The following ZNF572 variants were observed in gnomAD, a reference collection of about 807,000 sequenced individuals.
The protein encoded by ZNF572 is zinc finger protein 572.
A neutral mutation model predicts 3.8 loss-of-function variants in ZNF572; 2 were observed. The observed-to-expected ratio is 0.52, with a 90% CI of 0.21 to 1.65. ZNF572 has a LOEUF of 1.65. Among genes scored for constraint, ZNF572 ranks in the 40% most tolerant of loss-of-function variants. The pLI, the probability that ZNF572 is intolerant of heterozygous loss-of-function variation, is 0.20. For missense variants in ZNF572, 581 were observed against 633.4 expected (o/e 0.92, Z 0.89); for synonymous variants, 187 against 204.5 (o/e 0.91, Z 0.73).
Position 124,977,942 on chromosome 8 carries a change from G to A in ZNF572, c.*84G>A, listed in dbSNP as rs1814534065. The A allele has an allele frequency of 1.4e-6, 2 of 1,422,966 alleles. No individual in the cohort carries two copies. Among genetic ancestry groups the A allele is most frequent in the African/African-American group, 1.4e-5 (1 of 70,068 alleles). 88.1% of individuals were successfully genotyped at this position (1,422,966 alleles called of 1,614,324 possible). A position where few individuals can be genotyped will look rare whatever the true frequency, so the allele number is the denominator to read the frequency against. ...TATTCTGTGATTGTTGTGCTATAAA[G>A]TTTCTTTGATGTGTTTGTCAAAACA... On this transcript the variant is annotated 3_prime_UTR_variant, in exon 3 of 3. Transcript: ENST00000319286.
intron 1 of ZNF572, among the ~76,000 whole-genome samples, chr8:124,973,730 C>T (rs1446899675): frequency 6.6e-6 from 1 of 152,212 alleles, no homozygotes; most frequent in African/African-American, 2.4e-5. Flanking sequence ...AGCACGGCCC[C>T]ACTCTGATCA....
chr8:124,975,028 C>G (rs1450106976), intron 1 of ZNF572, among the ~76,000 whole-genome samples: 1 of 152,142 alleles, frequency 6.6e-6, no homozygotes, highest in Non-Finnish European at 1.5e-5. Flanking sequence ...AGGAAGAGGT[C>G]CCTCTTTAGC....
In ZNF572 at chr8:124,977,966, C is replaced by A; in HGVS notation, c.*108C>A. ...AGTTTCTTTGATGTGTTTGTCAAAA[C>A]ATTTGGAAAAAGTCAACCTCCCAGT... On this transcript the variant is annotated 3_prime_UTR_variant, in exon 3 of 3. Coordinates refer to ENST00000319286, the MANE Select transcript of ZNF572 (RefSeq NM_152412.3). The A allele has an allele frequency of 7.7e-7, 1 of 1,293,326 alleles. No homozygotes were observed. Among genetic ancestry groups the A allele is most frequent in the Non-Finnish European group, 1.0e-6 (1 of 968,656 alleles). The allele number at this position is 1,293,326 out of a possible 1,614,324, so 80.1% of individuals were successfully genotyped here. A position where few individuals can be genotyped will look rare whatever the true frequency, so the allele number is the denominator to read the frequency against.
In ZNF572 at chr8:124,977,224, A is replaced by G. The variant is rs762933274; in HGVS notation, c.956A>G (p.Gln319Arg). ...TGTAATTCTACTCTAATAAAACATC[A>G]GAGAATACATACAGGAGAAAAGCCT... ...FGCNSTLIKH[Q>R]RIHTGEKPYQ... The change falls in exon 3 of 3, where the codon CAG becomes CGG. Residue 319 changes from glutamine (Q) to arginine (R), a missense_variant. Transcript: ENST00000319286. 2 of 1,612,958 alleles carry G rather than the reference A, an allele frequency of 1.2e-6. No homozygotes were observed. Among genetic ancestry groups the G allele is most frequent in the Admixed American group, 1.7e-5 (1 of 60,024 alleles).
chr8:124,975,620 A>G lies in ZNF572; in HGVS notation c.-21A>G, dbSNP rs754008248. On this transcript the variant is annotated 5_prime_UTR_variant, in exon 2 of 3. Transcript: ENST00000319286. ...TCCTTCCACAGGGTTTCTGATCTCT[A>G]ACTTGGCTGTGATCATTGTGATGGA... is the stretch of plus-strand genomic sequence containing the variant. 1.2e-5 allele frequency: 19 copies of G among 1,600,886 alleles called. No homozygotes were observed. The highest frequency in any genetic ancestry group is 1.5e-5 in the Non-Finnish European group (17 of 1,168,142).
At position 124,976,695 on chromosome 8, in the gene ZNF572, A is replaced by G. The variant is rs1814510211; in HGVS notation, c.427A>G (p.Asn143Asp). ...TTCCGAATGTTGGAAAAGCTTCAGT[A>G]ATAGTTCTCATTTGCGTACTCACCA... ...KCSECWKSFS[N>D]SSHLRTHQRT... is the part of the protein sequence containing the mutation. Residue 143 changes from asparagine to aspartate, a missense_variant, in exon 3 of 3, where the codon AAT (asparagine) becomes GAT (aspartate). Asn to Asp is a conservative substitution (Grantham distance 23). Transcript: ENST00000319286. The G allele has an allele frequency of 6.2e-7, 1 of 1,614,212 alleles. No homozygotes were observed. The highest frequency in any genetic ancestry group is 8.5e-7 in the Non-Finnish European group (1 of 1,180,018).
chr8:124,975,290 C>CT (rs1480071052), intron 1 of ZNF572, among the ~76,000 whole-genome samples: 2 of 152,098 alleles, frequency 1.3e-5, no homozygotes, highest in Non-Finnish European at 2.9e-5. Flanking sequence ...AAATACTTTG[C>CT]TTTTTAAAGT....
Position 124,977,107 on chromosome 8 carries a change from GT to G in ZNF572, c.843del (p.Phe281LeufsTer35). On this transcript the variant is annotated frameshift_variant, in exon 3 of 3. Coordinates refer to ENST00000319286, the MANE Select transcript of ZNF572 (RefSeq NM_152412.3). LOFTEE classifies it low-confidence loss of function (END_TRUNC). ...KPYKCPDCGK[S>X]FSQSSSLIRH... The stretch of plus-strand genomic sequence containing the variant: ...TATAAGTGCCCTGATTGTGGGAAGA[GT>G]TTTAGTCAGAGTTCCAGCCTCATTC... 6.2e-7 allele frequency: 1 copy of G among 1,609,114 alleles called. No homozygotes were observed.
In ZNF572 at chr8:124,977,240, A is replaced by T. The variant is rs1167727145; in HGVS notation, c.972A>T (p.Gly324=). 1 of 1,613,458 alleles carries T rather than the reference A, an allele frequency of 6.2e-7. No individual in the cohort carries two copies. The highest frequency in any genetic ancestry group is 1.1e-5 in the South Asian group (1 of 91,086). ...TAAAACATCAGAGAATACATACAGG[A>T]GAAAAGCCTTATCAATGTCCAGAAT... ...TLIKHQRIHT[G]EKPYQCPECG... is the part of the protein sequence containing the mutation. Residue 324 remains glycine (G), a synonymous_variant, in exon 3 of 3, where the codon GGA becomes GGT. Coordinates refer to ENST00000319286, the MANE Select transcript of ZNF572 (RefSeq NM_152412.3).
In ZNF572 at chr8:124,977,157, G is replaced by A. The variant is rs762088383; in HGVS notation, c.889G>A (p.Glu297Lys). The change falls in exon 3 of 3, where the codon GAG becomes AAG. Residue 297 changes from glutamate (E) to lysine (K), a missense_variant. Glu to Lys is a moderately conservative substitution (Grantham distance 56, BLOSUM62 1). Transcript: ENST00000319286. The part of the protein sequence containing the change: ...LIRHQRTHTG[E>K]KPYKCLECEK... The stretch of plus-strand genomic sequence containing the variant: ...TCGCCACCAGCGGACACACACAGGT[G>A]AGAAGCCCTACAAATGTCTTGAGTG... 1.9e-6 allele frequency: 3 copies of A among 1,609,252 alleles called. No individual in the cohort carries two copies. The African/African-American group carries it at 4.0e-5, about 21-fold the overall frequency.
intron 2 of ZNF572, 91 bp from the exon 3 acceptor site, chr8:124,976,257 C>G (rs1322186284): frequency 8.9e-7 from 1 of 1,119,566 alleles, no homozygotes; most frequent in Non-Finnish European, 1.3e-6. Flanking sequence ...TGAGGTTTTA[C>G]AGTGTTATTT....
At position 124,975,735 on chromosome 8, in the gene ZNF572, G is replaced by A. The variant is rs534402379; in HGVS notation, c.79+16G>A. On this transcript the variant is annotated intron_variant, in intron 2 of 2. Coordinates refer to ENST00000319286, the MANE Select transcript of ZNF572 (RefSeq NM_152412.3). ...CCTTTCACAGGTGAGGGATCAAGAC[G>A]ATGATCTGAATCCTTAGGAAATTTG... is the stretch of plus-strand genomic sequence containing the variant. 7.0e-5 allele frequency: 112 copies of A among 1,603,402 alleles called. 3 individuals carry two copies. In the South Asian group the frequency reaches 1.1e-3, roughly 16 times the overall value.
rs1025642294 is a variant in ZNF572 at position 124,977,416 on chromosome 8, C to G, written c.1148C>G (p.Pro383Arg). 6 of 1,614,018 alleles carry G rather than the reference C, an allele frequency of 3.7e-6. No individual in the cohort carries two copies. The highest frequency in any genetic ancestry group is 2.7e-5 in the African/African-American group (2 of 74,896). Residue 383 changes from proline (P) to arginine (R), a missense_variant, in exon 3 of 3, where the codon CCA (proline) becomes CGA (arginine). Transcript: ENST00000319286. ...EECRIQLGEK[P>R]YRCCECGKSF... Reference sequence around the variant, plus strand: ...TGCAGAATCCAGTTAGGAGAGAAACCATATAGATGTTGTGAATGTGGGAAG... The same window carrying G: ...TGCAGAATCCAGTTAGGAGAGAAACGATATAGATGTTGTGAATGTGGGAAG...
At position 124,976,901 on chromosome 8, in the gene ZNF572, G is replaced by C; in HGVS notation, c.633G>C (p.Thr211=). ...TTATTATCCATGAGAGAACTCACAC[G>C]GGAGAGAAACCCTACAAATGTCCCG... is the stretch of plus-strand genomic sequence containing the variant. ...SHLIIHERTH[T]GEKPYKCPEC... Residue 211 remains threonine, a synonymous_variant, in exon 3 of 3, where the codon ACG becomes ACC. Transcript: ENST00000319286. 4 of 1,613,692 alleles carry C rather than the reference G, an allele frequency of 2.5e-6. No homozygotes were observed. The highest frequency in any genetic ancestry group is 3.4e-6 in the Non-Finnish European group (4 of 1,179,888).
chr8:124,976,354 C>G lies in ZNF572; in HGVS notation c.86C>G (p.Thr29Arg). The change falls in exon 3 of 3, where the codon ACA becomes AGA. Residue 29 changes from threonine to arginine, a missense_variant. Physicochemically the swap from Thr to Arg is moderately conservative, Grantham distance 71 (BLOSUM62 -1). Transcript: ENST00000319286. The part of the protein sequence containing the change: ...ESLKSPFTGD[T>R]SMNNLETVHH... ...TATTTGTTTATTCTTGCAGGAGATA[C>G]AAGTATGAATAATTTGGAAACTGTT... is the stretch of plus-strand genomic sequence containing the variant. 6.3e-7 allele frequency: 1 copy of G among 1,576,744 alleles called. No homozygotes were observed. Among genetic ancestry groups the G allele is most frequent in the African/African-American group, 1.4e-5 (1 of 73,182 alleles).
In ZNF572 at chr8:124,977,322, G is replaced by T; in HGVS notation, c.1054G>T (p.Gly352Ter). ...NLITHQKMHT[G>*]EKSYESSEYE... is the part of the protein sequence containing the mutation. ...TATTACACACCAGAAAATGCACACA[G>T]GAGAGAAATCCTATGAAAGTTCTGA... The change falls in exon 3 of 3, where the codon GGA becomes TGA. Residue 352 changes from glycine (G) to a stop codon, truncating the protein, a stop_gained. Transcript: ENST00000319286. LOFTEE classifies it low-confidence loss of function (END_TRUNC). 1 of 1,614,202 alleles carries T rather than the reference G, an allele frequency of 6.2e-7. No individual in the cohort carries two copies. The highest frequency in any genetic ancestry group is 8.5e-7 in the Non-Finnish European group (1 of 1,180,026).
intron 1 of ZNF572, among the ~76,000 whole-genome samples, chr8:124,973,874 T>C (rs1359781404): frequency 6.6e-6 from 1 of 152,202 alleles, no homozygotes; most frequent in South Asian, 2.1e-4. Flanking sequence ...CCAAATTTAA[T>C]AGTATTTTAG....
Position 124,976,829 on chromosome 8 carries a change from C to T in ZNF572, c.561C>T (p.Pro187=). ...TAAGAATGCACACAGGAGAGAAGCC[C>T]TACCAGTGTGGTGAATGTGGGAAAA... is the stretch of plus-strand genomic sequence containing the variant. The part of the protein sequence containing the change: ...QHLRMHTGEK[P]YQCGECGKSF... Residue 187 remains proline, a synonymous_variant, in exon 3 of 3, where the codon CCC becomes CCT. Transcript: ENST00000319286. 5 of 1,614,156 alleles carry T rather than the reference C, an allele frequency of 3.1e-6. No individual in the cohort carries two copies. Among genetic ancestry groups the T allele is most frequent in the Non-Finnish European group, 4.2e-6 (5 of 1,180,026 alleles).
At chr8:124,975,035 T>C (rs1814489680) in intron 1 of ZNF572, among the ~76,000 whole-genome samples, 1 of 152,206 alleles carries the variant, frequency 6.6e-6, no homozygotes, top group Non-Finnish European at 1.5e-5. Context: ...GGTCCCTCTT[T>C]AGCCTCCTTT....
Sources: allele counts gnomAD v4.1 joint callset (sites outside exome capture counted in the v4.1 genomes callset), GRCh38; gene constraint gnomAD v4.1.1; transcripts MANE v1.5; gene names NCBI Gene and HGNC (gene_info 2026-07-23, HGNC 2026-07-21).